The following PCDHA12 variants were observed in gnomAD, a reference collection of about 807,000 sequenced individuals.
The protein encoded by PCDHA12 is protocadherin alpha 12.
PCDHA12 carries 44 observed loss-of-function variants against 60.0 expected under a neutral mutation model. The ratio of observed to expected loss-of-function variants is 0.73; its 90% confidence interval spans 0.58 to 0.94. The LOEUF (loss-of-function observed/expected upper bound fraction) is 0.94, where lower values mean the gene tolerates loss of function less well. PCDHA12 is among the 40% of genes least tolerant of loss of function. PCDHA12 has a pLI of 0.00. For missense variants in PCDHA12, 1,276 were observed against 1,239.7 expected (o/e 1.03, Z -0.44); for synonymous variants, 569 against 553.0 (o/e 1.03, Z -0.40).
At position 140,924,955 on chromosome 5, in the gene PCDHA12, T is replaced by C. The variant is rs571597374; in HGVS notation, c.2367+47116T>C. Among the ~76,000 whole-genome samples, 96 of 145,332 alleles carry C rather than the reference T, an allele frequency of 6.6e-4. 1 individual carries two copies. The South Asian group carries it at 0.02, about 30-fold the overall frequency. The stretch of plus-strand genomic sequence containing the variant: ...ATAAAATAAAAAGTTAAAAAAAAAA[T>C]GCAAGGTGAGTGCAGTGGCTCATGT... On this transcript the variant is annotated intron_variant, in intron 1 of 3. Transcript: ENST00000398631.
intron 1 of PCDHA12, among the ~76,000 whole-genome samples, chr5:140,910,092 C>T (rs1554194118): frequency 6.6e-6 from 1 of 152,170 alleles, no homozygotes; most frequent in African/African-American, 2.4e-5. Context: ...GGGGAACCAG[C>T]CTCCCCTTCA....
chr5:140,885,727 A>G (rs539866953), intron 1 of PCDHA12, among the ~76,000 whole-genome samples: 1 of 152,308 alleles, frequency 6.6e-6, no homozygotes, highest in South Asian at 2.1e-4. Context: ...TCTCTGTGAA[A>G]TGATATTTCA....
At chr5:140,978,405 A>G (rs919688095) in intron 1 of PCDHA12, among the ~76,000 whole-genome samples, 1 of 152,220 alleles carries the variant, frequency 6.6e-6, no homozygotes, top group Non-Finnish European at 1.5e-5. Context: ...TCCCTCTTCA[A>G]TCAGAAAAGA....
At position 140,896,169 on chromosome 5, in the gene PCDHA12, GT is replaced by G. The variant is rs1473218621; in HGVS notation, c.2367+18331del. Among the ~76,000 whole-genome samples, 40 of 152,274 alleles carry G rather than the reference GT, an allele frequency of 2.6e-4. 1 individual carries two copies. The East Asian group carries it at 5.2e-3, about 20-fold the overall frequency. ...TGATGGGCATTTAGGATTATTCTCT[GT>G]CTTTGCTATTGTGAATAGTGCCATG... is the stretch of plus-strand genomic sequence containing the variant. On this transcript the variant is annotated intron_variant, in intron 1 of 3. Transcript: ENST00000398631.
chr5:140,989,528 G>A (rs1451731382), intron 3 of PCDHA12, among the ~76,000 whole-genome samples: 2 of 152,178 alleles, frequency 1.3e-5, no homozygotes, highest in African/African-American at 4.8e-5. Context: ...GGCAGAGGAG[G>A]AAGATAGTTT....
intron 3 of PCDHA12, among the ~76,000 whole-genome samples, chr5:141,005,308 T>TA (rs2098205734): frequency 6.6e-6 from 1 of 152,214 alleles, no homozygotes; most frequent in Non-Finnish European, 1.5e-5. Context: ...TTGTGAATCT[T>TA]ACAGTGGTAG....
chr5:140,908,861 T>C (rs1554193539), intron 1 of PCDHA12, among the ~76,000 whole-genome samples: 1 of 152,160 alleles, frequency 6.6e-6, no homozygotes, highest in Admixed American at 6.5e-5. Flanking sequence ...AAATGAGGAA[T>C]GTGTTGCCTC....
At chr5:141,008,626 A>G (rs375674921) in intron 3 of PCDHA12, among the ~76,000 whole-genome samples, 1 of 152,222 alleles carries the variant, frequency 6.6e-6, no homozygotes. Context: ...TTTCTCAAGT[A>G]TAATTAACAA....
At chr5:140,979,175 A>C in intron 2 of PCDHA12, 168 bp downstream of exon 2, 8 of 951,628 alleles carry the variant, frequency 8.4e-6, no homozygotes, top group Non-Finnish European at 1.0e-5. Flanking sequence ...AAAGATCGCA[A>C]ATGGTCAGTG....
At chr5:140,926,911 G>A (rs1248832475) in intron 1 of PCDHA12, 4 of 1,561,318 alleles carry the variant, frequency 2.6e-6, no homozygotes, top group Non-Finnish European at 3.5e-6. Flanking sequence ...CTGTGGGGTG[G>A]CAGTTTTATG....
At chr5:140,904,974 T>C (rs537444148) in intron 1 of PCDHA12, among the ~76,000 whole-genome samples, 97 of 152,356 alleles carry the variant, frequency 6.4e-4, no homozygotes, top group African/African-American at 2.2e-3. Context: ...GTGACTATTT[T>C]CTCCCACTCT....
At chr5:140,900,373 G>T (rs1225159327) in intron 1 of PCDHA12, among the ~76,000 whole-genome samples, 2 of 152,118 alleles carry the variant, frequency 1.3e-5, no homozygotes, top group Non-Finnish European at 2.9e-5. Flanking sequence ...TGCCTCCTGG[G>T]TTCAAGCGAT....
At chr5:140,930,582 T>C in intron 1 of PCDHA12, 1 of 152,540 alleles carries the variant, frequency 6.6e-6, no homozygotes, top group East Asian at 1.9e-4. Flanking sequence ...GTATTACTTT[T>C]TGACTTCTCA....
In PCDHA12 at chr5:140,884,236, G is replaced by A. The variant is rs368136155; in HGVS notation, c.2367+6397G>A. ...TGGTGCTGGTGAAGGACCACGGTGAGCCCGCGCTGACGGCCACGGCAACGG... is the reference window on the plus strand; with the variant it reads ...TGGTGCTGGTGAAGGACCACGGTGAACCCGCGCTGACGGCCACGGCAACGG... On this transcript the variant is annotated intron_variant, in intron 1 of 3. Transcript: ENST00000398631. 11 of 1,613,334 alleles carry A rather than the reference G, an allele frequency of 6.8e-6. No homozygotes were observed. The African/African-American group carries it at 1.2e-4, about 18-fold the overall frequency.
At chr5:140,940,398 T>C (rs936966571) in intron 1 of PCDHA12, among the ~76,000 whole-genome samples, 10 of 152,340 alleles carry the variant, frequency 6.6e-5, no homozygotes, top group African/African-American at 2.4e-4. Context: ...TATTGTGTTT[T>C]TCATTTTAAA....
At chr5:140,881,944 A>C in intron 1 of PCDHA12, 1 of 302,118 alleles carries the variant, frequency 3.3e-6, no homozygotes, top group East Asian at 5.9e-5. Flanking sequence ...GTTTCTGGGA[A>C]GGTAAACATT....
intron 1 of PCDHA12, among the ~76,000 whole-genome samples, chr5:140,941,595 A>G (rs1273931279): frequency 6.6e-6 from 1 of 152,016 alleles, no homozygotes; most frequent in Non-Finnish European, 1.5e-5. Context: ...GATTACAGCC[A>G]TGAGCCATGG....
rs184672024 is a variant in PCDHA12, at chr5:140,889,762, T to C, written c.2367+11923T>C. Among the ~76,000 whole-genome samples, 15 of 152,308 alleles carry C rather than the reference T, an allele frequency of 9.8e-5. No homozygotes were observed. The East Asian group carries it at 2.9e-3, about 29-fold the overall frequency. The stretch of plus-strand genomic sequence containing the variant: ...GAGTCTAATTTTTCTTTCCTTGAAC[T>C]TTGACTGGTCTTAATATTGGAAGTA... On this transcript the variant is annotated intron_variant, in intron 1 of 3. Coordinates refer to ENST00000398631, the MANE Select transcript of PCDHA12 (RefSeq NM_018903.4).
chr5:140,876,669 C>T lies in PCDHA12; in HGVS notation c.1197C>T (p.Ser399=). ...CTCATGTTCCCTTCAAGCTGGTGTC[C>T]ACCTACAAGAATTACTACTCGTTGG... ...LTPHVPFKLV[S]TYKNYYSLVL... is the part of the protein sequence containing the mutation. Residue 399 remains serine, a synonymous_variant, in exon 1 of 4, where the codon TCC becomes TCT. Transcript: ENST00000398631. The T allele has an allele frequency of 6.2e-7, 1 of 1,614,186 alleles. No homozygotes were observed. Among genetic ancestry groups the T allele is most frequent in the Non-Finnish European group, 8.5e-7 (1 of 1,180,030 alleles).
Sources: allele counts gnomAD v4.1 joint callset (sites outside exome capture counted in the v4.1 genomes callset), GRCh38; gene constraint gnomAD v4.1.1; transcripts MANE v1.5; gene names NCBI Gene and HGNC (gene_info 2026-07-23, HGNC 2026-07-21).